The following COL1A2 variants were observed in gnomAD, a reference collection of about 807,000 sequenced individuals.
COL1A2 encodes collagen alpha-2(I) chain.
In COL1A2, 49 loss-of-function variants were observed where a neutral mutation model predicts 174.3. That is an observed-to-expected ratio of 0.28 (90% CI 0.22 to 0.36). The LOEUF (loss-of-function observed/expected upper bound fraction) is 0.36, where lower values mean the gene tolerates loss of function less well. COL1A2 is among the 10% of genes least tolerant of loss of function. The probability of loss-of-function intolerance (pLI) is 1.00; values close to 1 mark genes in which losing one functional copy is unlikely to be tolerated. For synonymous variants in COL1A2, 655 were observed against 606.6 expected (o/e 1.08, Z -1.17); for missense variants, 1,438 against 1,822.7 (o/e 0.79, Z 3.84).
rs1172397218 is a variant in COL1A2 at position 94,405,383 on chromosome 7, A to G, written c.486+131A>G. 11 of 903,320 alleles carry G rather than the reference A, an allele frequency of 1.2e-5. No individual in the cohort carries two copies. In the East Asian group the frequency reaches 2.9e-4, roughly 24 times the overall value. 56.0% of individuals were successfully genotyped at this position (903,320 alleles called of 1,614,324 possible). A position where few individuals can be genotyped will look rare whatever the true frequency, so the allele number is the denominator to read the frequency against. On this transcript the variant is annotated intron_variant, in intron 10 of 51. Transcript: ENST00000297268. ...TAACATGAATCGAAGGCATCTAATA[A>G]AGAAAAAAGCCTAGTTAAAAAAAAA...
At chr7:94,396,701 C>A (rs928441060) in intron 1 of COL1A2, among the ~76,000 whole-genome samples, 2 of 152,170 alleles carry the variant, frequency 1.3e-5, no homozygotes, top group Admixed American at 6.5e-5. Context: ...CTGATGGACA[C>A]AATGAAGTAA....
At chr7:94,399,805 A>T (rs1791651300) in intron 4 of COL1A2, among the ~76,000 whole-genome samples, 1 of 152,218 alleles carries the variant, frequency 6.6e-6, no homozygotes, top group Non-Finnish European at 1.5e-5. Flanking sequence ...TTCACATGTA[A>T]CATACCAAAA....
chr7:94,419,332 A>T, intron 33 of COL1A2, 166 bp from the exon 34 acceptor site: 1 of 742,842 alleles, frequency 1.3e-6, no homozygotes. Context: ...GGCTTCTAAT[A>T]GTCTTGTTAA....
Position 94,429,375 on chromosome 7 carries a change from T to A in COL1A2, c.3899T>A (p.Leu1300His). The change falls in exon 51 of 52, where the codon CTT becomes CAT. Residue 1300 changes from leucine to histidine, a missense_variant. Around this residue, in one of 3 missense-constraint regions of COL1A2, gnomAD observed 290 missense variants for 298.1 expected, o/e 0.97. Transcript: ENST00000297268. ...CTACAGGGCTCTAATGATGTTGAAC[T>A]TGTTGCTGAGGGCAACAGCAGGTTC... ...VILQGSNDVE[L>H]VAEGNSRFTY... is the part of the protein sequence containing the mutation. The A allele has an allele frequency of 6.2e-7, 1 of 1,613,988 alleles. No homozygotes were observed. Among genetic ancestry groups the A allele is most frequent in the African/African-American group, 1.3e-5 (1 of 75,040 alleles).
chr7:94,402,452 C>A (rs1264230280), intron 6 of COL1A2, among the ~76,000 whole-genome samples: 2 of 152,012 alleles, frequency 1.3e-5, no homozygotes, highest in Non-Finnish European at 2.9e-5. Flanking sequence ...TTATGTCACT[C>A]AGTACAAATA....
Position 94,409,665 on chromosome 7 carries a change from G to C in COL1A2, c.936+57G>C. The C allele has an allele frequency of 4.3e-6, 7 of 1,613,444 alleles. No homozygotes were observed. In the South Asian group the frequency reaches 5.5e-5, roughly 13 times the overall value. On this transcript the variant is annotated intron_variant, in intron 18 of 51. Coordinates refer to ENST00000297268, the MANE Select transcript of COL1A2 (RefSeq NM_000089.4). ...CTATGATTTTAAAGGCATTTAATGTGTGCTGCCTCTACAGCCCATCACCTC... is the reference window on the plus strand; with the variant it reads ...CTATGATTTTAAAGGCATTTAATGTCTGCTGCCTCTACAGCCCATCACCTC...
At chr7:94,419,087 C>T (rs555192619) in intron 33 of COL1A2, among the ~76,000 whole-genome samples, 13 of 148,386 alleles carry the variant, frequency 8.8e-5, no homozygotes, top group East Asian at 2.0e-4. Flanking sequence ...AGGCCACAGT[C>T]GGCCTGGATT....
chr7:94,421,858 G>A, intron 38 of COL1A2, 41 bp from the exon 39 acceptor site: 1 of 1,587,702 alleles, frequency 6.3e-7, no homozygotes, highest in Non-Finnish European at 8.6e-7. Context: ...AATTCTTGGA[G>A]TTGATGTTGA....
chr7:94,429,217 C>T lies in COL1A2; in HGVS notation c.3741C>T (p.Ser1247=), dbSNP rs1792349319. Residue 1247 remains serine, a synonymous_variant, in exon 51 of 52, where the codon TCC becomes TCT. Transcript: ENST00000297268. ...QFEYNVEGVT[S]KEMATQLAFM... is the part of the protein sequence containing the mutation. Reference sequence around the variant, plus strand: ...AATATAATGTAGAAGGAGTGACTTCCAAGGAAATGGCTACCCAACTTGCCT... The same window carrying T: ...AATATAATGTAGAAGGAGTGACTTCTAAGGAAATGGCTACCCAACTTGCCT... The T allele has an allele frequency of 1.2e-6, 2 of 1,612,592 alleles. No homozygotes were observed. Among genetic ancestry groups the T allele is most frequent in the Non-Finnish European group, 1.7e-6 (2 of 1,179,182 alleles).
chr7:94,411,353 A>G (rs1480701871), intron 23 of COL1A2, among the ~76,000 whole-genome samples, 199 bp downstream of exon 23: 1 of 152,194 alleles, frequency 6.6e-6, no homozygotes, highest in Non-Finnish European at 1.5e-5. Context: ...TCTATTTATT[A>G]CTTGATACAA....
rs748449687 is a variant in COL1A2, at chr7:94,420,377, C to T, written c.2134-14C>T. 11 of 1,614,164 alleles carry T rather than the reference C, an allele frequency of 6.8e-6. No individual in the cohort carries two copies. The highest frequency in any genetic ancestry group is 1.1e-5 in the South Asian group (1 of 91,078). ...GGATTGATAACACATTTTTAAATCC[C>T]TTCTCCCACCTAGGGTGAACGTGGT... On this transcript the variant is annotated splice_polypyrimidine_tract_variant and intron_variant, in intron 35 of 51. Coordinates refer to ENST00000297268, the MANE Select transcript of COL1A2 (RefSeq NM_000089.4).
In COL1A2 at chr7:94,414,217, T is replaced by A; in HGVS notation, c.1666-5T>A. The A allele has an allele frequency of 6.2e-7, 1 of 1,614,164 alleles. No homozygotes were observed. The highest frequency in any genetic ancestry group is 8.5e-7 in the Non-Finnish European group (1 of 1,180,016). On this transcript the variant is annotated splice_polypyrimidine_tract_variant and splice_region_variant and intron_variant, in intron 28 of 51. Transcript: ENST00000297268. ...ATTGAGATTTGTATTTCTTTTCATT[T>A]TTAGGGTCTGCCTGGCCCCTCAGGT...
rs1361826459 is a variant in COL1A2 at position 94,421,967 on chromosome 7, G to A, written c.2403+15G>A. ...CAGGACCCTCTGTAAGTAAATCACT[G>A]TAAACGTGTCTTCATTTACTCTAGC... On this transcript the variant is annotated intron_variant, in intron 39 of 51. Coordinates refer to ENST00000297268, the MANE Select transcript of COL1A2 (RefSeq NM_000089.4). 1.2e-6 allele frequency: 2 copies of A among 1,612,782 alleles called. No individual in the cohort carries two copies. The highest frequency in any genetic ancestry group is 1.7e-6 in the Non-Finnish European group (2 of 1,178,998).
intron 20 of COL1A2, 54 bp downstream of exon 20, chr7:94,410,349 G>T: frequency 1.2e-6 from 2 of 1,608,588 alleles, no homozygotes; most frequent in Non-Finnish European, 8.5e-7. Flanking sequence ...TCTCATTCCA[G>T]TTTCTCCAGC....
intron 10 of COL1A2, 36 bp downstream of exon 10, chr7:94,405,288 C>T: frequency 6.3e-7 from 1 of 1,588,300 alleles, no homozygotes; most frequent in South Asian, 1.1e-5. Context: ...GCACAAACAT[C>T]ATAGGCCTAT....
At chr7:94,421,378 C>T (rs1792158936) in intron 38 of COL1A2, 4 of 445,542 alleles carry the variant, frequency 9.0e-6, no homozygotes, top group Non-Finnish European at 1.6e-5. Flanking sequence ...TTCTCCTTTG[C>T]AGGCAATGCT....
At chr7:94,400,077 T>C in intron 4 of COL1A2, 119 bp from the exon 5 acceptor site, 1 of 877,172 alleles carries the variant, frequency 1.1e-6, no homozygotes, top group Non-Finnish European at 1.9e-6. Flanking sequence ...AAATATAGTA[T>C]ATTAAATTTC....
chr7:94,403,381 T>C (rs1211910975), intron 6 of COL1A2, among the ~76,000 whole-genome samples: 1 of 152,160 alleles, frequency 6.6e-6, no homozygotes, highest in East Asian at 1.9e-4. Context: ...AATCAATAAC[T>C]ATAAAACCCC....
rs752650272 is a variant in COL1A2 at position 94,412,051 on chromosome 7, C to T, written c.1351-17C>T. 1.2e-5 allele frequency: 19 copies of T among 1,604,390 alleles called. No individual in the cohort carries two copies. Among genetic ancestry groups the T allele is most frequent in the Admixed American group, 1.7e-5 (1 of 59,644 alleles). On this transcript the variant is annotated splice_polypyrimidine_tract_variant and intron_variant, in intron 23 of 51. Transcript: ENST00000297268. ...AGTTAAAGTGCCAATATAAAAACAT[C>T]CTCATTTATTTTATAGGGTCTTCCT...
Sources: allele counts gnomAD v4.1 joint callset (sites outside exome capture counted in the v4.1 genomes callset), GRCh38; gene constraint gnomAD v4.1.1; regional missense constraint gnomAD v4.1.1; transcripts MANE v1.5; gene names NCBI Gene and HGNC (gene_info 2026-07-23, HGNC 2026-07-21).